Variants in ARHGAP42 observed in about 807,000 individuals in gnomAD.
ARHGAP42 encodes Rho GTPase activating protein 42, also known as rho GTPase-activating protein 42.
In ARHGAP42, 63 loss-of-function variants were observed where a neutral mutation model predicts 125.0. The observed-to-expected ratio is 0.50, with a 90% CI of 0.41 to 0.62. The LOEUF (loss-of-function observed/expected upper bound fraction) is 0.62, where lower values mean the gene tolerates loss of function less well. ARHGAP42 is among the 20% of genes least tolerant of loss of function. ARHGAP42 has a pLI of 0.00. For synonymous variants in ARHGAP42, 339 were observed against 351.0 expected, an observed-to-expected ratio of 0.97 and a Z score of 0.38; for missense variants, 766 against 1,024.2, an observed-to-expected ratio of 0.75 and a Z score of 3.44.
chr11:100,693,484 C>T (rs11823723), intron 1 of ARHGAP42, among the ~76,000 whole-genome samples: 12,161 of 152,156 alleles, frequency 0.08, 853 homozygotes, highest in East Asian at 0.22. Context: ...AGCCTTGGCA[C>T]TCATTAGAGT....
chr11:100,771,679 C>T (rs192600518), intron 2 of ARHGAP42, among the ~76,000 whole-genome samples: 52 of 151,830 alleles, frequency 3.4e-4, no homozygotes, highest in African/African-American at 1.1e-3. Context: ...GCTCACTGCA[C>T]CCTCCGCTTC....
intron 3 of ARHGAP42, among the ~76,000 whole-genome samples, chr11:100,810,269 G>A (rs1461931575): frequency 6.6e-6 from 1 of 152,096 alleles, no homozygotes; most frequent in Non-Finnish European, 1.5e-5. Flanking sequence ...CAGTTCAAAA[G>A]AATGGTTTTA....
intron 3 of ARHGAP42, among the ~76,000 whole-genome samples, chr11:100,825,728 T>C (rs1864501853): frequency 6.6e-6 from 1 of 152,144 alleles, no homozygotes. Context: ...CCCAGGTTTC[T>C]TCTTCTGTTT....
At chr11:100,953,555 A>G (rs514101) in intron 12 of ARHGAP42, among the ~76,000 whole-genome samples, 134,229 of 152,164 alleles carry the variant, frequency 0.88, 59,301 homozygotes, top group East Asian at 1. Flanking sequence ...CAAATGCCAT[A>G]GAATGAAGAA....
At chr11:100,745,979 A>G (rs1862295109) in intron 1 of ARHGAP42, among the ~76,000 whole-genome samples, 1 of 152,168 alleles carries the variant, frequency 6.6e-6, no homozygotes, top group South Asian at 2.1e-4. Context: ...TGGGAATGGA[A>G]AGACCCATAA....
intron 1 of ARHGAP42, among the ~76,000 whole-genome samples, chr11:100,748,418 C>A (rs1862358127): frequency 6.6e-6 from 1 of 151,972 alleles, no homozygotes; most frequent in Admixed American, 6.6e-5. Flanking sequence ...CTGGTTGGAC[C>A]TTTGTATGGT....
At chr11:100,836,368 G>T (rs1864785779) in intron 3 of ARHGAP42, among the ~76,000 whole-genome samples, 1 of 152,036 alleles carries the variant, frequency 6.6e-6, no homozygotes, top group African/African-American at 2.4e-5. Context: ...AGCTTTTAAA[G>T]GTGGAACACA....
intron 4 of ARHGAP42, among the ~76,000 whole-genome samples, chr11:100,888,410 G>A (rs988239169): frequency 2.0e-5 from 3 of 152,094 alleles, no homozygotes; most frequent in African/African-American, 7.2e-5. Context: ...GGGGAAGAAT[G>A]GATTAGTTGA....
chr11:100,964,950 A>G (rs1008105319), intron 16 of ARHGAP42, among the ~76,000 whole-genome samples: 2 of 151,992 alleles, frequency 1.3e-5, no homozygotes, highest in Non-Finnish European at 2.9e-5. Flanking sequence ...AATATCCAAG[A>G]CTCAGTAATT....
At chr11:100,702,648 C>G (rs12288075) in intron 1 of ARHGAP42, among the ~76,000 whole-genome samples, 1 of 146,622 alleles carries the variant, frequency 6.8e-6, no homozygotes. Flanking sequence ...TAGAAACATC[C>G]AGGTGCCTAG....
chr11:100,741,300 G>A (rs1263283199), intron 1 of ARHGAP42, among the ~76,000 whole-genome samples: 1 of 152,116 alleles, frequency 6.6e-6, no homozygotes, highest in Non-Finnish European at 1.5e-5. Context: ...CAAAGTGCTG[G>A]GATTACAGGC....
At chr11:100,788,589 T>C (rs781493147) in intron 2 of ARHGAP42, among the ~76,000 whole-genome samples, 6 of 152,208 alleles carry the variant, frequency 3.9e-5, no homozygotes, top group Non-Finnish European at 7.3e-5. Context: ...TGGAAAAATC[T>C]TATTTGATGT....
At chr11:100,927,367 G>A (rs934409934) in intron 6 of ARHGAP42, among the ~76,000 whole-genome samples, 1 of 152,136 alleles carries the variant, frequency 6.6e-6, no homozygotes, top group Non-Finnish European at 1.5e-5. Context: ...TCGAAACTCT[G>A]TAGGACTAAA....
intron 1 of ARHGAP42, among the ~76,000 whole-genome samples, chr11:100,743,827 G>A (rs536525368): frequency 6.6e-6 from 1 of 152,214 alleles, no homozygotes; most frequent in Non-Finnish European, 1.5e-5. Flanking sequence ...AGCTCTTTCA[G>A]GAGAAGATGA....
intron 3 of ARHGAP42, among the ~76,000 whole-genome samples, chr11:100,811,245 C>T (rs1474983280): frequency 6.6e-6 from 1 of 152,094 alleles, no homozygotes; most frequent in East Asian, 1.9e-4. Flanking sequence ...CGCGAGCTAC[C>T]ATGCCTGGCC....
rs147761544 is a variant in ARHGAP42, at chr11:100,716,660, C to T, written c.154+28828C>T. Among the ~76,000 whole-genome samples the T allele has an allele frequency of 1.7e-3, 260 of 151,964 alleles. 1 individual carries two copies. Among genetic ancestry groups the T allele is most frequent in the African/African-American group, 6.0e-3 (249 of 41,454 alleles). On this transcript the variant is annotated intron_variant, in intron 1 of 23. Coordinates refer to ENST00000298815, the MANE Select transcript of ARHGAP42 (RefSeq NM_152432.4). Reference sequence around the variant, plus strand: ...TATTAGAAAATGACTTGAATTTCACCGTAAAAATATGCTAAAAATATAAAT... The same window carrying T: ...TATTAGAAAATGACTTGAATTTCACTGTAAAAATATGCTAAAAATATAAAT...
chr11:100,732,408 A>G (rs554461550), intron 1 of ARHGAP42, among the ~76,000 whole-genome samples: 13 of 152,316 alleles, frequency 8.5e-5, no homozygotes, highest in African/African-American at 3.1e-4. Context: ...AAGCTTGTGG[A>G]AACAGTCTAT....
intron 17 of ARHGAP42, among the ~76,000 whole-genome samples, chr11:100,966,196 A>C (rs1858089976): frequency 6.6e-6 from 1 of 152,130 alleles, no homozygotes; most frequent in African/African-American, 2.4e-5. Context: ...CCATGTATTC[A>C]TGATTTCACT....
rs5794089 is a variant in ARHGAP42 at position 100,987,806 on chromosome 11, A to AAAATAAATAAATAAAT, written c.2536+240_2536+255dup. On this transcript the variant is annotated intron_variant, in intron 23 of 23. Transcript: ENST00000298815. ...GGAGGGTAAGCCCAGCCCAACCCACAAAATAAATAAATAAATAAATAAATA... is the reference window on the plus strand; with the variant it reads ...GGAGGGTAAGCCCAGCCCAACCCACAAAATAAATAAATAAATAAATAAATAAATAAATAAATAAATA... Among the ~76,000 whole-genome samples, 219 of 142,544 alleles carry AAAATAAATAAATAAAT rather than the reference A, an allele frequency of 1.5e-3. 1 individual carries two copies. The highest frequency in any genetic ancestry group is 7.1e-3 in the East Asian group (34 of 4,768). 93.5% of individuals were successfully genotyped at this position (142,544 alleles called of 152,430 possible).
Sources: gnomAD v4.1 joint callset for allele counts (sites outside exome capture counted in the v4.1 genomes callset) on GRCh38, gnomAD v4.1.1 for gene constraint, MANE v1.5 for transcripts, NCBI Gene and HGNC (gene_info 2026-07-23, HGNC 2026-07-21) for gene names.